Variants in WNK3 observed in about 807,000 individuals in gnomAD.
The protein encoded by WNK3 is WNK lysine deficient protein kinase 3, also known as serine/threonine-protein kinase WNK3.
WNK3 carries 18 observed loss-of-function variants against 116.7 expected under a neutral mutation model. The ratio of observed to expected loss-of-function variants is 0.15; its 90% CI spans 0.11 to 0.23. WNK3 has a LOEUF of 0.23. WNK3 is among the 10% of genes least tolerant of loss of function. The pLI, the probability that WNK3 is intolerant of heterozygous loss-of-function variation, is 1.00. For missense variants in WNK3, 993 were observed against 1,323.8 expected (o/e 0.75, Z 3.88); for synonymous variants, 404 against 469.4 (o/e 0.86, Z 1.80).
intron 5 of WNK3, among the ~76,000 whole-genome samples, chrX:54,303,932 G>A (rs1333386932): frequency 9.9e-5 from 11 of 111,091 alleles, no homozygotes; most frequent in Non-Finnish European, 1.5e-4. Context: ...AATCTAACAC[G>A]AAATTCTTTT....
intron 17 of WNK3, among the ~76,000 whole-genome samples, chrX:54,244,206 A>T (rs1295575910): frequency 1.8e-5 from 2 of 111,919 alleles, no homozygotes; most frequent in African/African-American, 3.2e-5. Context: ...ACTGGATCGA[A>T]CACTGTAAAA....
At chrX:54,208,969 C>A (rs1186417349) in intron 22 of WNK3, among the ~76,000 whole-genome samples, 2 of 111,659 alleles carry the variant, frequency 1.8e-5, no homozygotes, top group Non-Finnish European at 3.8e-5. Flanking sequence ...ATGGTTTTCA[C>A]TGGGGGCTGG....
At position 54,207,950 on chromosome X, in the gene WNK3, T is replaced by G. The variant is rs1473395246; in HGVS notation, c.4871-5757A>C. On this transcript the variant is annotated intron_variant, in intron 22 of 23. Transcript: ENST00000354646. ...TTTGGGAAGCAATGCAGTATAATAGTTAAAAGCCAAGGCTTTGAAGTCAGA... is the reference window on the plus strand; with the variant it reads ...TTTGGGAAGCAATGCAGTATAATAGGTAAAAGCCAAGGCTTTGAAGTCAGA... Among the ~76,000 whole-genome samples, 8 of 110,752 alleles carry G rather than the reference T, an allele frequency of 7.2e-5. 1 individual carries two copies. The highest frequency in any genetic ancestry group is 2.3e-4 in the African/African-American group (7 of 30,526).
intron 5 of WNK3, among the ~76,000 whole-genome samples, chrX:54,302,758 T>TATAC (rs1491572190): frequency 7.4e-5 from 2 of 27,053 alleles, no homozygotes; most frequent in African/African-American, 3.4e-4. Flanking sequence ...TATATATATA[T>TATAC]TTTTTTTTTT....
chrX:54,358,063 G>C (rs1038028464), upstream of WNK3: 1 of 111,159 alleles, frequency 9.0e-6, no homozygotes, highest in African/African-American at 3.3e-5. Context: ...GGGGCGGAGG[G>C]GGGGCGGGGA....
At chrX:54,266,704 A>G (rs185835507) in intron 10 of WNK3, among the ~76,000 whole-genome samples, 1 of 108,389 alleles carries the variant, frequency 9.2e-6, no homozygotes, top group African/African-American at 3.3e-5. Flanking sequence ...TGCCCAGCTA[A>G]CTTTTAATTT....
At chrX:54,352,416 G>GT (rs1484750621) in intron 1 of WNK3, among the ~76,000 whole-genome samples, 1 of 111,052 alleles carries the variant, frequency 9.0e-6, no homozygotes, top group African/African-American at 3.3e-5. Context: ...GTTCATGCCT[G>GT]TAACCCCCAT....
intron 22 of WNK3, among the ~76,000 whole-genome samples, 187 bp downstream of exon 22, chrX:54,228,527 G>A (rs1239174029): frequency 9.0e-6 from 1 of 111,171 alleles, no homozygotes; most frequent in Non-Finnish European, 1.9e-5. Flanking sequence ...AATGAGGGAT[G>A]ACTATGAATA....
intron 23 of WNK3, among the ~76,000 whole-genome samples, chrX:54,200,007 G>C (rs1307543011): frequency 9.0e-6 from 1 of 111,598 alleles, no homozygotes; most frequent in Non-Finnish European, 1.9e-5. Flanking sequence ...CTCATACAGG[G>C]CTTTTGCGTA....
At chrX:54,211,576 C>T (rs189930047) in intron 22 of WNK3, among the ~76,000 whole-genome samples, 3 of 110,541 alleles carry the variant, frequency 2.7e-5, no homozygotes, top group East Asian at 5.7e-4. Flanking sequence ...GAGGCTGAGG[C>T]GGGAGGATCA....
intron 1 of WNK3, among the ~76,000 whole-genome samples, chrX:54,347,284 G>A (rs1040365292): frequency 4.5e-5 from 5 of 111,877 alleles, no homozygotes; most frequent in Non-Finnish European, 9.4e-5. Context: ...TCAAGAGTTC[G>A]ACACCAGCCT....
chrX:54,332,859 C>T (rs1390191855), intron 2 of WNK3, among the ~76,000 whole-genome samples: 5 of 100,068 alleles, frequency 5.0e-5, no homozygotes, highest in African/African-American at 1.9e-4. Flanking sequence ...ATCAAGATTC[C>T]GCCTCAAAAA....
intron 10 of WNK3, among the ~76,000 whole-genome samples, chrX:54,267,426 G>A (rs1324584402): frequency 5.4e-5 from 6 of 110,311 alleles, no homozygotes; most frequent in African/African-American, 2.0e-4. Flanking sequence ...ACAAAAATTT[G>A]TAAAAAGAGT....
intron 1 of WNK3, among the ~76,000 whole-genome samples, chrX:54,356,534 A>T (rs1450715460): frequency 3.6e-5 from 4 of 111,335 alleles, no homozygotes; most frequent in Non-Finnish European, 7.5e-5. Flanking sequence ...TGAGCTGTCG[A>T]GTTTAAACAA....
At chrX:54,297,059 TCTC>T (rs1179052405) in intron 7 of WNK3, among the ~76,000 whole-genome samples, 71 of 110,700 alleles carry the variant, frequency 6.4e-4, no homozygotes, top group African/African-American at 2.3e-3. Context: ...CCCTCTGACT[TCTC>T]CAGAAGTAGC....
exon 17 of WNK3, chrX:54,249,481 T>G: frequency 8.3e-7 from 1 of 1,211,935 alleles, no homozygotes; most frequent in African/African-American, 1.7e-5. Flanking sequence ...TATAGCTGGC[T>G]GCTTGGTTTC....
intron 16 of WNK3, 34 bp from the exon 17 acceptor site, chrX:54,249,668 C>T (rs781881745): frequency 8.8e-7 from 1 of 1,142,612 alleles, no homozygotes; most frequent in Admixed American, 2.3e-5. Flanking sequence ...TAAGCACGTA[C>T]TGACGAGTAC....
chrX:54,345,040 G>A (rs2069395020), intron 1 of WNK3, among the ~76,000 whole-genome samples: 1 of 109,372 alleles, frequency 9.1e-6, no homozygotes, highest in Non-Finnish European at 1.9e-5. Context: ...ACGAGGTCAG[G>A]AGGTCCAGAT....
chrX:54,249,929 TATC>T lies in WNK3; in HGVS notation c.2713+62_2713+64del, dbSNP rs1360400237. 3.6e-6 allele frequency: 4 copies of T among 1,103,148 alleles called. No individual in the cohort carries two copies. In the Admixed American group the frequency reaches 1.4e-4, roughly 38 times the overall value. 90.9% of individuals were successfully genotyped at this position (1,103,148 alleles called of 1,213,427 possible). ...AATTCCCATGGAAACCAGTTAAAGA[TATC>T]ATATGTATTTTGCATCCCATCCTTT... On this transcript the variant is annotated intron_variant, in intron 16 of 23. Coordinates refer to ENST00000354646, the Ensembl canonical transcript of WNK3.
Sources: allele counts gnomAD v4.1 joint callset (sites outside exome capture counted in the v4.1 genomes callset), GRCh38; gene constraint gnomAD v4.1.1; transcripts MANE v1.5; gene names NCBI Gene and HGNC (gene_info 2026-07-23, HGNC 2026-07-21).